Variants in PGM2L1 observed in about 807,000 individuals in gnomAD.
PGM2L1 encodes the protein phosphoglucomutase 2 like 1.
Under a neutral mutation model 73.4 loss-of-function variants are expected in PGM2L1, and 35 were observed. That is an observed-to-expected ratio of 0.48 (90% confidence interval 0.36 to 0.63). PGM2L1 has a LOEUF of 0.63. Among genes scored for constraint, PGM2L1 ranks in the 30% least tolerant of loss-of-function variants. The probability of loss-of-function intolerance (pLI) is 0.00; values close to 1 mark genes in which losing one functional copy is unlikely to be tolerated. For missense variants in PGM2L1, 570 were observed against 742.0 expected (o/e 0.77, Z 2.69); for synonymous variants, 225 against 253.8 (o/e 0.89, Z 1.08).
chr11:74,354,551 T>A (rs1862412718), intron 5 of PGM2L1: 4 of 1,182,998 alleles, frequency 3.4e-6, no homozygotes, highest in Non-Finnish European at 5.0e-6. Flanking sequence ...TTTTGAGCAA[T>A]GGGAATGCTC....
intron 5 of PGM2L1, chr11:74,354,521 G>A (rs1331730066): frequency 2.9e-5 from 36 of 1,253,658 alleles, no homozygotes; most frequent in Non-Finnish European, 3.4e-5. Context: ...TGAAACAACC[G>A]ATGAGAGCCT....
intron 3 of PGM2L1, among the ~76,000 whole-genome samples, chr11:74,371,434 C>G (rs1236555965): frequency 6.6e-6 from 1 of 152,174 alleles, no homozygotes; most frequent in African/African-American, 2.4e-5. Context: ...ATAATTACTA[C>G]TACCCGGTGC....
intron 12 of PGM2L1, 55 bp downstream of exon 12, chr11:74,342,406 G>T: frequency 2.3e-6 from 3 of 1,322,772 alleles, no homozygotes; most frequent in Non-Finnish European, 2.0e-6. Context: ...GGACTTTTTG[G>T]TGACATGAGC....
At chr11:74,370,879 G>T in intron 4 of PGM2L1, 23 bp downstream of exon 4, 1 of 1,561,046 alleles carries the variant, frequency 6.4e-7, no homozygotes. Flanking sequence ...CAAGCTATAT[G>T]ATCACCAACA....
intron 1 of PGM2L1, among the ~76,000 whole-genome samples, chr11:74,377,695 T>G (rs1862877980): frequency 6.6e-6 from 1 of 152,198 alleles, no homozygotes; most frequent in Admixed American, 6.5e-5. Context: ...TTTATGTATA[T>G]ATCACTTTTT....
Position 74,347,316 on chromosome 11 carries a change from G to A in PGM2L1, c.771C>T (p.Thr257=). The A allele has an allele frequency of 6.3e-7, 1 of 1,599,652 alleles. No individual in the cohort carries two copies. The highest frequency in any genetic ancestry group is 1.1e-5 in the South Asian group (1 of 87,340). The change falls in exon 7 of 14, where the codon ACC becomes ACT. Residue 257 remains threonine, a synonymous_variant. Transcript: ENST00000298198. ...CFYRELNSKT[T]LKFVHTSFHG... ...GAAAAGATGTGTGCACAAATTTCAA[G>A]GTGGTCTTCGAGTTTAACTCCCTGT...
chr11:74,387,680 AAAT>A (rs1359698920), intron 1 of PGM2L1, among the ~76,000 whole-genome samples: 6 of 152,174 alleles, frequency 3.9e-5, no homozygotes, highest in Non-Finnish European at 8.8e-5. Flanking sequence ...GTCCCAGCTC[AAAT>A]TCTACCTCTT....
chr11:74,386,771 C>T (rs950424191), intron 1 of PGM2L1, among the ~76,000 whole-genome samples: 1 of 152,124 alleles, frequency 6.6e-6, no homozygotes, highest in Admixed American at 6.5e-5. Flanking sequence ...GCCACCACAC[C>T]CAGCCTCCCA....
chr11:74,374,304 G>A (rs1490330396), intron 2 of PGM2L1, 111 bp downstream of exon 2: 10 of 873,894 alleles, frequency 1.1e-5, no homozygotes, highest in South Asian at 5.9e-5. Flanking sequence ...GGATGATCTC[G>A]ATCTCTGGAC....
In PGM2L1 at chr11:74,343,320, T is replaced by A; in HGVS notation, c.1312+3A>T. On this transcript the variant is annotated splice_donor_region_variant and intron_variant, in intron 10 of 13. Transcript: ENST00000298198. ...TTTGAAGATTTTAATATTTACTACA[T>A]ACCAATAGACTCTTCAAATGCAAAA... The A allele has an allele frequency of 6.3e-7, 1 of 1,587,220 alleles. No individual in the cohort carries two copies. Among genetic ancestry groups the A allele is most frequent in the Non-Finnish European group, 8.5e-7 (1 of 1,173,452 alleles).
chr11:74,351,470 A>G lies in PGM2L1; in HGVS notation c.662T>C (p.Leu221Ser). Residue 221 changes from leucine to serine, a missense_variant, in exon 6 of 14, where the codon TTA becomes TCA. Coordinates refer to ENST00000298198, the MANE Select transcript of PGM2L1 (RefSeq NM_173582.6). ...EPWNGSWNDN[L>S]VDTSPLKRDP... ...TCTCTTCAGCGGGCTGGTATCCACT[A>G]AATTATCATTCCAGGAACCATTCCA... 1.2e-6 allele frequency: 2 copies of G among 1,614,032 alleles called. No homozygotes were observed. Among genetic ancestry groups the G allele is most frequent in the Non-Finnish European group, 1.7e-6 (2 of 1,179,960 alleles).
intron 9 of PGM2L1, among the ~76,000 whole-genome samples, chr11:74,344,838 T>C (rs1862238163): frequency 6.6e-6 from 1 of 152,220 alleles, no homozygotes; most frequent in Non-Finnish European, 1.5e-5. Flanking sequence ...AATTTTCTTT[T>C]ACTCAGTAAA....
chr11:74,364,341 C>T (rs1719542065), intron 5 of PGM2L1, among the ~76,000 whole-genome samples: 1 of 152,178 alleles, frequency 6.6e-6, no homozygotes, highest in African/African-American at 2.4e-5. Flanking sequence ...TCCTATTCAA[C>T]ATAGTGTTGG....
Position 74,343,318 on chromosome 11 carries a change from C to A in PGM2L1, c.1312+5G>T. On this transcript the variant is annotated splice_donor_5th_base_variant and intron_variant, in intron 10 of 13. Transcript: ENST00000298198. ...ATTTTGAAGATTTTAATATTTACTA[C>A]ATACCAATAGACTCTTCAAATGCAA... 6.3e-7 allele frequency: 1 copy of A among 1,582,032 alleles called. No individual in the cohort carries two copies. The highest frequency in any genetic ancestry group is 8.5e-7 in the Non-Finnish European group (1 of 1,172,300).
chr11:74,376,604 T>C (rs1862858395), intron 1 of PGM2L1, among the ~76,000 whole-genome samples: 1 of 151,796 alleles, frequency 6.6e-6, no homozygotes, highest in Non-Finnish European at 1.5e-5. Context: ...TATGTATGTA[T>C]ATATACGTAT....
At chr11:74,392,831 C>T (rs991446417) in intron 1 of PGM2L1, among the ~76,000 whole-genome samples, 2 of 152,206 alleles carry the variant, frequency 1.3e-5, no homozygotes, top group Admixed American at 6.5e-5. Flanking sequence ...TGAGCCACTG[C>T]GCCCGGCCAG....
rs539620075 is a variant in PGM2L1 at position 74,367,072 on chromosome 11, G to A, written c.555+1420C>T. 7.2e-5 allele frequency among the ~76,000 whole-genome samples: 11 copies of A among 152,174 alleles called. No homozygotes were observed. In the East Asian group the frequency reaches 1.7e-3, roughly 24 times the overall value. On this transcript the variant is annotated intron_variant, in intron 5 of 13. Coordinates refer to ENST00000298198, the MANE Select transcript of PGM2L1 (RefSeq NM_173582.6). Reference sequence around the variant, plus strand: ...TTTAGACATAGCATCTGTAGAACCCGTTAGTAGATAAAATGTTAGGGAAAG... The same window carrying A: ...TTTAGACATAGCATCTGTAGAACCCATTAGTAGATAAAATGTTAGGGAAAG...
At chr11:74,340,915 C>T (rs918606477) in intron 12 of PGM2L1, among the ~76,000 whole-genome samples, 6 of 151,480 alleles carry the variant, frequency 4.0e-5, no homozygotes, top group African/African-American at 1.5e-4. Flanking sequence ...AACAACTGGA[C>T]CAAAAATGCA....
rs1041895688 is a variant in PGM2L1 at position 74,371,222 on chromosome 11, T to A, written c.387-236A>T. Among the ~76,000 whole-genome samples, 48 of 152,200 alleles carry A rather than the reference T, an allele frequency of 3.2e-4. 1 individual carries two copies. Among genetic ancestry groups the A allele is most frequent in the African/African-American group, 1.1e-3 (47 of 41,452 alleles). On this transcript the variant is annotated intron_variant, in intron 3 of 13. Transcript: ENST00000298198. ...TAATTGATATTTCAATTTCCTCTTT[T>A]TCCCTCATTCATCTTTTGATGGCTC...
Sources: allele counts gnomAD v4.1 joint callset (sites outside exome capture counted in the v4.1 genomes callset), GRCh38; gene constraint gnomAD v4.1.1; transcripts MANE v1.5; gene names NCBI Gene and HGNC (gene_info 2026-07-23, HGNC 2026-07-21).